Variants in ZNF737 observed in about 807,000 individuals in gnomAD.
ZNF737 encodes zinc finger protein 102 (Y3).
Under a neutral mutation model 11.7 loss-of-function variants are expected in ZNF737, and 13 were observed. That is an observed-to-expected ratio of 1.11 (90% CI 0.73 to 1.77). The LOEUF is 1.77. ZNF737 is among the 40% of genes most tolerant of loss of function. The pLI is 0.00. For missense variants in ZNF737, 636 were observed against 638.0 expected (o/e 1.00, Z 0.03); for synonymous variants, 217 against 216.2 (o/e 1.00, Z -0.03).
In ZNF737 at chr19:20,539,356, C is replaced by T; in HGVS notation, c.*5236G>A. On this transcript the variant is annotated 3_prime_UTR_variant, in exon 4 of 4. Transcript: ENST00000427401. ...CCTGGGAAGCCCCTATAAAATACTC[C>T]CTTTGAATACTTTAGCCAGGATTTC... 2 of 985,180 alleles carry T rather than the reference C, an allele frequency of 2.0e-6. No individual in the cohort carries two copies. The highest frequency in any genetic ancestry group is 2.4e-6 in the Non-Finnish European group (2 of 829,878). 61.0% of individuals were successfully genotyped at this position (985,180 alleles called of 1,614,324 possible).
At chr19:20,547,278 G>T (rs1968487083) in intron 3 of ZNF737, among the ~76,000 whole-genome samples, 1 of 151,808 alleles carries the variant, frequency 6.6e-6, no homozygotes, top group Admixed American at 6.6e-5. Flanking sequence ...CTACTTCAGA[G>T]GCTGAGGCAG....
intron 3 of ZNF737, among the ~76,000 whole-genome samples, chr19:20,550,160 T>C (rs1968613148): frequency 6.6e-6 from 1 of 152,096 alleles, no homozygotes. Context: ...AAAATGAAAC[T>C]GCTGTAATCA....
chr19:20,532,095 A>G (rs1967844396), downstream of ZNF737, among the ~76,000 whole-genome samples: 1 of 150,300 alleles, frequency 6.7e-6, no homozygotes, highest in African/African-American at 2.5e-5. Context: ...GTCATGTAAC[A>G]CATCTGTCCA....
downstream of ZNF737, among the ~76,000 whole-genome samples, chr19:20,534,453 A>ATCTATC (rs1555753434): frequency 1.4e-5 from 2 of 144,626 alleles, no homozygotes; most frequent in Non-Finnish European, 1.5e-5. Flanking sequence ...AAAAGAAAAA[A>ATCTATC]TATCTATCTA....
rs1968233142 is a variant in ZNF737 at position 20,542,186 on chromosome 19, C to A, written c.*2406G>T. On this transcript the variant is annotated 3_prime_UTR_variant, in exon 4 of 4. Transcript: ENST00000427401. ...GTTCATTAAACGCACGGTAGTCTTA[C>A]CATGGTAAAAATAAAATAAAATTAA... 1.0e-6 allele frequency: 1 copy of A among 984,348 alleles called. No individual in the cohort carries two copies. The highest frequency in any genetic ancestry group is 1.2e-6 in the Non-Finnish European group (1 of 829,262). The allele number at this position is 984,348 out of a possible 1,614,324, so 61.0% of individuals were successfully genotyped here.
chr19:20,561,962 G>A (rs1290792273), intron 1 of ZNF737, among the ~76,000 whole-genome samples: 4 of 152,138 alleles, frequency 2.6e-5, no homozygotes, highest in Admixed American at 6.5e-5. Context: ...TGCACAGAAC[G>A]AATAAAAGAG....
At chr19:20,563,205 G>A (rs1166466414) in intron 1 of ZNF737, among the ~76,000 whole-genome samples, 3 of 58,630 alleles carry the variant, frequency 5.1e-5, no homozygotes, top group African/African-American at 1.1e-4. Flanking sequence ...ATCTGCCTGT[G>A]GGGCCCCAGC....
At position 20,539,612 on chromosome 19, in the gene ZNF737, T is replaced by C. The variant is rs1968117757; in HGVS notation, c.*4980A>G. Reference sequence around the variant, plus strand: ...ATCATGGATTCAAAAAATATTCATATTAATGTGTTTACAGTTTAATCTTGT... The same window carrying C: ...ATCATGGATTCAAAAAATATTCATACTAATGTGTTTACAGTTTAATCTTGT... On this transcript the variant is annotated 3_prime_UTR_variant, in exon 4 of 4. Transcript: ENST00000427401. 1.0e-6 allele frequency: 1 copy of C among 965,002 alleles called. No individual in the cohort carries two copies. The highest frequency in any genetic ancestry group is 1.8e-5 in the African/African-American group (1 of 56,810). The allele number at this position is 965,002 out of a possible 1,614,324, so 59.8% of individuals were successfully genotyped here. A position where few individuals can be genotyped will look rare whatever the true frequency, so the allele number is the denominator to read the frequency against.
Position 20,538,918 on chromosome 19 carries a change from T to G in ZNF737, c.*5674A>C, listed in dbSNP as rs1968086596. The G allele has an allele frequency of 1.0e-6, 1 of 985,318 alleles. No individual in the cohort carries two copies. Among genetic ancestry groups the G allele is most frequent in the Non-Finnish European group, 1.2e-6 (1 of 829,810 alleles). The allele number at this position is 985,318 out of a possible 1,614,324, so 61.0% of individuals were successfully genotyped here. Reference sequence around the variant, plus strand: ...TTGTTAATTCACTCTAAATTGAGACTACATTTACAATCTTCAGTTTTTCAG... The same window carrying G: ...TTGTTAATTCACTCTAAATTGAGACGACATTTACAATCTTCAGTTTTTCAG... On this transcript the variant is annotated 3_prime_UTR_variant, in exon 4 of 4. Coordinates refer to ENST00000427401, the MANE Select transcript of ZNF737 (RefSeq NM_001159293.2).
intron 1 of ZNF737, 57 bp downstream of exon 1, chr19:20,565,581 C>T: frequency 6.2e-7 from 1 of 1,614,078 alleles, no homozygotes; most frequent in Non-Finnish European, 8.5e-7. Context: ...CAGCCACTTC[C>T]CACCGGTTCC....
chr19:20,543,176 CTG>C lies in ZNF737; in HGVS notation c.*1414_*1415del. On this transcript the variant is annotated 3_prime_UTR_variant, in exon 4 of 4. Coordinates refer to ENST00000427401, the MANE Select transcript of ZNF737 (RefSeq NM_001159293.2). ...AAAATTATATTTTAGCATAAACTCTCTGTTGTTTTCTAAGCTGTAGTTTCTGG... is the reference window on the plus strand; with the variant it reads ...AAAATTATATTTTAGCATAAACTCTCTTGTTTTCTAAGCTGTAGTTTCTGG... The C allele has an allele frequency of 2.7e-6, 2 of 743,674 alleles. No homozygotes were observed. Among genetic ancestry groups the C allele is most frequent in the Non-Finnish European group, 3.2e-6 (2 of 617,416 alleles). The allele number at this position is 743,674 out of a possible 1,614,324, so 46.1% of individuals were successfully genotyped here.
Position 20,540,881 on chromosome 19 carries a change from A to G in ZNF737, c.*3711T>C. 2 of 959,426 alleles carry G rather than the reference A, an allele frequency of 2.1e-6. No homozygotes were observed. The highest frequency in any genetic ancestry group is 9.7e-5 in the South Asian group (2 of 20,706). The allele number at this position is 959,426 out of a possible 1,614,324, so 59.4% of individuals were successfully genotyped here. A position where few individuals can be genotyped will look rare whatever the true frequency, so the allele number is the denominator to read the frequency against. Reference sequence around the variant, plus strand: ...ACAAATAACTATTTTTCTGGCTTAAATTATTTTTTATGCACCATTTATACA... The same window carrying G: ...ACAAATAACTATTTTTCTGGCTTAAGTTATTTTTTATGCACCATTTATACA... On this transcript the variant is annotated 3_prime_UTR_variant, in exon 4 of 4. Coordinates refer to ENST00000427401, the MANE Select transcript of ZNF737 (RefSeq NM_001159293.2).
At chr19:20,535,900 A>C (rs1415196445), downstream of ZNF737, 1 of 188,556 alleles carries the variant, frequency 5.3e-6, no homozygotes, top group African/African-American at 2.4e-5. Flanking sequence ...TGGTACAATA[A>C]TAAAACAAAC....
chr19:20,537,888 T>G, downstream of ZNF737: 25 of 181,370 alleles, frequency 1.4e-4, no homozygotes, highest in Non-Finnish European at 2.5e-4. Context: ...AAATGTTTTA[T>G]GAGATTTCAT....
Position 20,541,449 on chromosome 19 carries a change from TTTTA to T in ZNF737, c.*3139_*3142del, listed in dbSNP as rs1215835419. On this transcript the variant is annotated 3_prime_UTR_variant, in exon 4 of 4. Coordinates refer to ENST00000427401, the MANE Select transcript of ZNF737 (RefSeq NM_001159293.2). ...GGACTCAGAAATGTATGGATTTTAT[TTTTA>T]TTTTATTTTTTGAGATGGAGACTCA... is the stretch of plus-strand genomic sequence containing the variant. 1.0e-6 allele frequency: 1 copy of T among 960,440 alleles called. No individual in the cohort carries two copies. Among genetic ancestry groups the T allele is most frequent in the African/African-American group, 1.8e-5 (1 of 56,242 alleles). The allele number at this position is 960,440 out of a possible 1,614,324, so 59.5% of individuals were successfully genotyped here.
chr19:20,539,125 A>T lies in ZNF737; in HGVS notation c.*5467T>A. ...AGCCTGGCTAACATGATGAAATCCC[A>T]TCTCTACTACAAAAATTATCCGGGC... On this transcript the variant is annotated 3_prime_UTR_variant, in exon 4 of 4. Coordinates refer to ENST00000427401, the MANE Select transcript of ZNF737 (RefSeq NM_001159293.2). The T allele has an allele frequency of 1.8e-6, 1 of 566,440 alleles. No individual in the cohort carries two copies. Among genetic ancestry groups the T allele is most frequent in the Non-Finnish European group, 2.1e-6 (1 of 477,784 alleles). 35.1% of individuals were successfully genotyped at this position (566,440 alleles called of 1,614,324 possible). A position where few individuals can be genotyped will look rare whatever the true frequency, so the allele number is the denominator to read the frequency against.
Position 20,544,636 on chromosome 19 carries a change from T to C in ZNF737, c.1567A>G (p.Thr523Ala). The change falls in exon 4 of 4, where the codon ACC becomes GCC. Residue 523 changes from threonine to alanine, a missense_variant. Transcript: ENST00000427401. ...ECGKGFKCPS[T>A]LTTHKVIHTG... ...TGAATTACCTTATGTGTAGTAAGGG[T>C]AGAGGGGCACTTAAAGCCTTTGCCA... The C allele has an allele frequency of 6.2e-7, 1 of 1,608,238 alleles. No individual in the cohort carries two copies. Among genetic ancestry groups the C allele is most frequent in the South Asian group, 1.1e-5 (1 of 90,590 alleles).
At chr19:20,550,233 G>A (rs1453736147) in intron 3 of ZNF737, among the ~76,000 whole-genome samples, 5 of 152,124 alleles carry the variant, frequency 3.3e-5, no homozygotes, top group Admixed American at 3.3e-4. Context: ...TGTAGAATGG[G>A]GTTAGACCCT....
rs1968312478 is a variant in ZNF737, at chr19:20,543,724, T to A, written c.*868A>T. 1.0e-6 allele frequency: 1 copy of A among 985,166 alleles called. No individual in the cohort carries two copies. The highest frequency in any genetic ancestry group is 1.2e-6 in the Non-Finnish European group (1 of 829,792). The allele number at this position is 985,166 out of a possible 1,614,324, so 61.0% of individuals were successfully genotyped here. A position where few individuals can be genotyped will look rare whatever the true frequency, so the allele number is the denominator to read the frequency against. On this transcript the variant is annotated 3_prime_UTR_variant, in exon 4 of 4. Transcript: ENST00000427401. ...ATATTTCTAGGGTTTCACACTAGTA[T>A]AATTATTGTTATGTGTAGAGAAGTT...
Sources: gnomAD v4.1 joint callset for allele counts (sites outside exome capture counted in the v4.1 genomes callset) on GRCh38, gnomAD v4.1.1 for gene constraint, MANE v1.5 for transcripts, NCBI Gene and HGNC (gene_info 2026-07-23, HGNC 2026-07-21) for gene names.